The following TMEM132D variants were observed in gnomAD, a reference collection of about 807,000 sequenced individuals.
TMEM132D encodes the protein transmembrane protein 132D.
TMEM132D carries 21 observed loss-of-function variants against 62.3 expected under a neutral mutation model. The observed-to-expected ratio is 0.34, with a 90% CI of 0.24 to 0.49. The LOEUF (loss-of-function observed/expected upper bound fraction) is 0.49, where lower values mean the gene tolerates loss of function less well. Among genes scored for constraint, TMEM132D ranks in the 20% least tolerant of loss-of-function variants. TMEM132D has a pLI of 0.99. For synonymous variants in TMEM132D, 621 were observed against 575.6 expected (o/e 1.08, Z -1.13); for missense variants, 1,346 against 1,402.8 (o/e 0.96, Z 0.65).
intron 2 of TMEM132D, among the ~76,000 whole-genome samples, chr12:129,532,433 G>A (rs961082469): frequency 3.9e-5 from 6 of 152,228 alleles, no homozygotes; most frequent in East Asian, 1.9e-4. Flanking sequence ...GACAAAAGGC[G>A]AGGGGGAGAT....
At chr12:129,776,807 A>AG (rs1870943964) in intron 1 of TMEM132D, among the ~76,000 whole-genome samples, 2 of 149,316 alleles carry the variant, frequency 1.3e-5, no homozygotes, top group Admixed American at 6.7e-5. Flanking sequence ...AAAAAAAAAA[A>AG]GAAAAGGAAA....
chr12:129,429,284 G>A (rs1285957798), intron 3 of TMEM132D, among the ~76,000 whole-genome samples: 1 of 152,250 alleles, frequency 6.6e-6, no homozygotes, highest in Non-Finnish European at 1.5e-5. Flanking sequence ...GAATCTGTCA[G>A]TCAGGGGACA....
intron 1 of TMEM132D, among the ~76,000 whole-genome samples, chr12:129,879,375 T>A (rs1874525031): frequency 6.6e-6 from 1 of 152,208 alleles, no homozygotes; most frequent in African/African-American, 2.4e-5. Context: ...TGCAGAGAAC[T>A]GGAAAAAGTA....
At chr12:129,453,572 A>G (rs185714219) in intron 3 of TMEM132D, among the ~76,000 whole-genome samples, 1 of 152,280 alleles carries the variant, frequency 6.6e-6, no homozygotes, top group East Asian at 1.9e-4. Flanking sequence ...CAGTGGCTGG[A>G]CCCAAAGGTT....
intron 5 of TMEM132D, chr12:129,085,249 C>T (rs1874580071): frequency 1.3e-5 from 2 of 156,144 alleles, no homozygotes; most frequent in African/African-American, 4.8e-5. Flanking sequence ...TCTTCACTCC[C>T]ATGCGGGTGT....
Position 129,228,558 on chromosome 12 carries a change from T to C in TMEM132D, c.1300-18895A>G, listed in dbSNP as rs184714531. ...CAGCCCTGGCAATCACAAATCTACTTTCTGTCTGCCTGAATTTTCCAGTTC... is the reference window on the plus strand; with the variant it reads ...CAGCCCTGGCAATCACAAATCTACTCTCTGTCTGCCTGAATTTTCCAGTTC... On this transcript the variant is annotated intron_variant, in intron 4 of 8. Transcript: ENST00000422113. Among the ~76,000 whole-genome samples, 7 of 152,248 alleles carry C rather than the reference T, an allele frequency of 4.6e-5. No individual in the cohort carries two copies. In the East Asian group the frequency reaches 1.4e-3, roughly 29 times the overall value.
intron 2 of TMEM132D, among the ~76,000 whole-genome samples, chr12:129,540,078 T>A (rs63404663): frequency 7.3e-5 from 10 of 137,222 alleles, no homozygotes; most frequent in South Asian, 2.4e-4. Context: ...TTTTTTTTTT[T>A]AAATTGCCAG....
chr12:129,501,983 T>C (rs957839573), intron 3 of TMEM132D, among the ~76,000 whole-genome samples: 4 of 146,298 alleles, frequency 2.7e-5, no homozygotes, highest in Admixed American at 2.1e-4. Context: ...ACAATACCCA[T>C]TCCCAATTTC....
chr12:129,458,932 C>T (rs1219948413), intron 3 of TMEM132D, among the ~76,000 whole-genome samples: 4 of 152,300 alleles, frequency 2.6e-5, no homozygotes, highest in East Asian at 3.9e-4. Context: ...TCTCCACTCT[C>T]TCCATTATAC....
chr12:129,337,635 A>G lies in TMEM132D; in HGVS notation c.1298T>C (p.Met433Thr), dbSNP rs757404179. Residue 433 changes from methionine to threonine, a missense_variant and splice_region_variant, in exon 4 of 9, where the codon ATG becomes ACG. Coordinates refer to ENST00000422113, the MANE Select transcript of TMEM132D (RefSeq NM_133448.3). The stretch of plus-strand genomic sequence containing the variant: ...CAGCCCAGGGCGGGGCTTGCTTACC[A>G]TAGCCAGCGGCACAACTCCAATCAA... ...KDLIGVVPLA[M>T]EAEILNTAIL... 7.4e-6 allele frequency: 12 copies of G among 1,613,692 alleles called. No individual in the cohort carries two copies. The highest frequency in any genetic ancestry group is 1.0e-5 in the Non-Finnish European group (12 of 1,179,826).
intron 1 of TMEM132D, among the ~76,000 whole-genome samples, chr12:129,729,865 G>A (rs140677918): frequency 1.0e-3 from 152 of 152,246 alleles, no homozygotes; most frequent in African/African-American, 3.2e-3. Flanking sequence ...TGAGCTGGCC[G>A]CACCATGGTC....
At chr12:129,293,701 T>C (rs1053805321) in intron 4 of TMEM132D, among the ~76,000 whole-genome samples, 3 of 152,294 alleles carry the variant, frequency 2.0e-5, no homozygotes, top group Middle Eastern at 3.4e-3. Flanking sequence ...ATCCCTCGCA[T>C]GTGCAGTTCA....
At chr12:129,259,864 T>C (rs1219562343) in intron 4 of TMEM132D, among the ~76,000 whole-genome samples, 1 of 152,166 alleles carries the variant, frequency 6.6e-6, no homozygotes, top group Non-Finnish European at 1.5e-5. Context: ...TAATTTGACT[T>C]GAGCAATGGG....
intron 1 of TMEM132D, among the ~76,000 whole-genome samples, chr12:129,752,268 T>C (rs1870023411): frequency 6.6e-6 from 1 of 152,182 alleles, no homozygotes. Context: ...AATGCATGTA[T>C]AGCATTATCG....
intron 1 of TMEM132D, among the ~76,000 whole-genome samples, chr12:129,792,276 G>A (rs1871421469): frequency 6.6e-6 from 1 of 152,150 alleles, no homozygotes; most frequent in South Asian, 2.1e-4. Flanking sequence ...TGGAGTTCAT[G>A]TCAAACACCA....
rs751535148 is a variant in TMEM132D at position 129,074,565 on chromosome 12, G to T, written c.2610C>A (p.Ser870Arg). Reference sequence around the variant, plus strand: ...GCAAGTGGCTGTTGTCATCTAAAAGGCTTTCCTGGCCTTTCTTCTTCTGCA... The same window carrying T: ...GCAAGTGGCTGTTGTCATCTAAAAGTCTTTCCTGGCCTTTCTTCTTCTGCA... ...SILQKKKGQE[S>R]LLDDNSHLQT... The change falls in exon 9 of 9, where the codon AGC becomes AGA. Residue 870 changes from serine to arginine, a missense_variant. Transcript: ENST00000422113. 6.2e-7 allele frequency: 1 copy of T among 1,614,066 alleles called. No individual in the cohort carries two copies. The highest frequency in any genetic ancestry group is 8.5e-7 in the Non-Finnish European group (1 of 1,180,032).
At chr12:129,898,137 C>T (rs1875210835) in intron 1 of TMEM132D, among the ~76,000 whole-genome samples, 1 of 152,192 alleles carries the variant, frequency 6.6e-6, no homozygotes, top group South Asian at 2.1e-4. Flanking sequence ...TTACTCAAAA[C>T]ATTAGCTGGT....
chr12:129,373,307 T>C (rs1340921954), intron 3 of TMEM132D, among the ~76,000 whole-genome samples: 2 of 152,158 alleles, frequency 1.3e-5, no homozygotes, highest in African/African-American at 4.8e-5. Context: ...AGAAACAGAC[T>C]GGGACCTTGC....
intron 3 of TMEM132D, among the ~76,000 whole-genome samples, chr12:129,455,321 A>G (rs2135729063): frequency 6.6e-6 from 1 of 152,314 alleles, no homozygotes; most frequent in East Asian, 1.9e-4. Flanking sequence ...TCCTTGGACA[A>G]GGTACTTAAC....
Sources: allele counts gnomAD v4.1 joint callset (sites outside exome capture counted in the v4.1 genomes callset), GRCh38; gene constraint gnomAD v4.1.1; transcripts MANE v1.5; gene names NCBI Gene and HGNC (gene_info 2026-07-23, HGNC 2026-07-21).